The following CCDC158 variants were observed in gnomAD, a reference collection of about 807,000 sequenced individuals.
CCDC158 encodes the protein coiled-coil domain-containing protein 158.
CCDC158 carries 116 observed loss-of-function variants against 138.6 expected under a neutral mutation model. The ratio of observed to expected loss-of-function variants is 0.84; its 90% confidence interval spans 0.72 to 0.98. CCDC158 has a LOEUF of 0.98. CCDC158 is among the 50% of genes least tolerant of loss of function. The pLI, the probability that CCDC158 is intolerant of heterozygous loss-of-function variation, is 0.00. For synonymous variants in CCDC158, 436 were observed against 442.4 expected, an observed-to-expected ratio of 0.99 and a Z score of 0.18; for missense variants, 1,265 against 1,306.1, an observed-to-expected ratio of 0.97 and a Z score of 0.48.
intron 18 of CCDC158, among the ~76,000 whole-genome samples, chr4:76,339,127 C>G (rs1245565397): frequency 6.6e-6 from 1 of 151,832 alleles, no homozygotes; most frequent in Non-Finnish European, 1.5e-5. Flanking sequence ...GACAAAGGAC[C>G]ATGCATTAAA....
At position 76,362,282 on chromosome 4, in the gene CCDC158, C is replaced by T. The variant is rs753294483; in HGVS notation, c.1864G>A (p.Glu622Lys). ...LKDKKDAKIR[E>K]LEARVSDLEL... ...AAGTCACTCACTCTGGCCTCAAGCT[C>T]CCGGATCTTTGCATCTTTTTTATCT... The change falls in exon 13 of 25, where the codon GAG (glutamate) becomes AAG (lysine). Residue 622 changes from glutamate (E) to lysine (K), a missense_variant. Glu to Lys is a moderately conservative substitution (Grantham distance 56, BLOSUM62 1). Coordinates refer to ENST00000682701, the MANE Select transcript of CCDC158 (RefSeq NM_001394954.1). 6.2e-7 allele frequency: 1 copy of T among 1,613,120 alleles called. No homozygotes were observed. Among genetic ancestry groups the T allele is most frequent in the Admixed American group, 1.7e-5 (1 of 59,860 alleles).
At chr4:76,337,631 C>T (rs1461415499) in intron 18 of CCDC158, among the ~76,000 whole-genome samples, 10 of 151,860 alleles carry the variant, frequency 6.6e-5, no homozygotes, top group Admixed American at 6.6e-4. Flanking sequence ...ACTTAGGAGG[C>T]TGAAGCAGGA....
chr4:76,410,739 A>G (rs1222769276), intron 2 of CCDC158, among the ~76,000 whole-genome samples: 3 of 152,240 alleles, frequency 2.0e-5, no homozygotes, highest in African/African-American at 4.8e-5. Flanking sequence ...CAGAAACACA[A>G]TAAGGAGAAC....
Position 76,357,504 on chromosome 4 carries a change from C to A in CCDC158, c.2043G>T (p.Arg681Ser), listed in dbSNP as rs756139747. The change falls in exon 14 of 25, where the codon AGG becomes AGT. Residue 681 changes from arginine (R) to serine (S), a missense_variant. Coordinates refer to ENST00000682701, the MANE Select transcript of CCDC158 (RefSeq NM_001394954.1). ...TTTCTTCACTTTTGTTTCGGAAATTCCTTTTTAAGACTTCATACTCCTCTA... is the reference window on the plus strand; with the variant it reads ...TTTCTTCACTTTTGTTTCGGAAATTACTTTTTAAGACTTCATACTCCTCTA... Reference protein sequence around the residue: ...NLSEEYEVLKRNFRNKSEEME... With the variant: ...NLSEEYEVLKSNFRNKSEEME... 6.3e-7 allele frequency: 1 copy of A among 1,593,670 alleles called. No homozygotes were observed. The highest frequency in any genetic ancestry group is 1.7e-5 in the Admixed American group (1 of 57,920).
chr4:76,363,430 C>T (rs921563604), intron 12 of CCDC158, among the ~76,000 whole-genome samples: 2 of 152,160 alleles, frequency 1.3e-5, no homozygotes, highest in African/African-American at 4.8e-5. Context: ...TGTAATAAAT[C>T]CTAGCCTTGT....
intron 1 of CCDC158, among the ~76,000 whole-genome samples, chr4:76,418,008 A>G (rs575975962): frequency 1.1e-4 from 17 of 152,286 alleles, no homozygotes; most frequent in Non-Finnish European, 2.4e-4. Flanking sequence ...CACTATCCTG[A>G]GAAGATGTCA....
chr4:76,375,667 C>T, intron 9 of CCDC158: 1 of 700,068 alleles, frequency 1.4e-6, no homozygotes, highest in South Asian at 1.5e-5. Context: ...ACAGCTTCTA[C>T]TGGTCCAAAT....
chr4:76,340,885 T>C (rs1055894087), intron 18 of CCDC158, among the ~76,000 whole-genome samples: 4 of 152,212 alleles, frequency 2.6e-5, no homozygotes, highest in African/African-American at 9.6e-5. Flanking sequence ...AACTGGTCAC[T>C]GGTGCCAAAA....
intron 18 of CCDC158, among the ~76,000 whole-genome samples, chr4:76,341,603 C>T (rs901520736): frequency 7.2e-5 from 11 of 152,044 alleles, no homozygotes; most frequent in African/African-American, 2.7e-4. Flanking sequence ...ATTCTATCAT[C>T]CTAGATATAT....
At chr4:76,385,783 A>T (rs1382864683) in intron 4 of CCDC158, among the ~76,000 whole-genome samples, 3 of 152,226 alleles carry the variant, frequency 2.0e-5, no homozygotes, top group Non-Finnish European at 4.4e-5. Flanking sequence ...GTCCCTAGCA[A>T]GGTGAATGAA....
intron 1 of CCDC158, among the ~76,000 whole-genome samples, chr4:76,412,535 C>T (rs766765491): frequency 1.6e-4 from 25 of 152,054 alleles, no homozygotes; most frequent in Admixed American, 2.6e-4. Flanking sequence ...CTGAGGTGGG[C>T]GCATCACTTG....
intron 18 of CCDC158, among the ~76,000 whole-genome samples, chr4:76,350,351 G>A (rs940904672): frequency 6.6e-6 from 1 of 152,168 alleles, no homozygotes; most frequent in Non-Finnish European, 1.5e-5. Context: ...TGGTGATCCT[G>A]TTGCCATATG....
intron 18 of CCDC158, among the ~76,000 whole-genome samples, chr4:76,343,614 A>C (rs1274712965): frequency 6.6e-6 from 1 of 152,244 alleles, no homozygotes; most frequent in Admixed American, 6.5e-5. Flanking sequence ...CAGCCTGGCC[A>C]ACATGGCAAA....
chr4:76,324,551 T>C lies in CCDC158; in HGVS notation c.3170-1142A>G, dbSNP rs142295867. Among the ~76,000 whole-genome samples the C allele has an allele frequency of 3.0e-4, 45 of 151,422 alleles. No homozygotes were observed. In the East Asian group the frequency reaches 6.6e-3, roughly 22 times the overall value. ...TGAGTATCTGACAATAAGCGGGGGGTTGGGGGTGAGAAGAAAATGCCATGC... is the reference window on the plus strand; with the variant it reads ...TGAGTATCTGACAATAAGCGGGGGGCTGGGGGTGAGAAGAAAATGCCATGC... On this transcript the variant is annotated intron_variant, in intron 23 of 24. Transcript: ENST00000682701.
intron 10 of CCDC158, 127 bp from the exon 11 acceptor site, chr4:76,369,750 C>G: frequency 1.3e-6 from 1 of 767,260 alleles, no homozygotes; most frequent in East Asian, 2.7e-5. Flanking sequence ...AATCTGATTC[C>G]TTTTTAATGG....
In CCDC158 at chr4:76,331,341, T is replaced by C. The variant is rs1199191874; in HGVS notation, c.2942+3A>G. 9 of 1,613,402 alleles carry C rather than the reference T, an allele frequency of 5.6e-6. No homozygotes were observed. The highest frequency in any genetic ancestry group is 1.1e-5 in the South Asian group (1 of 91,072). ...TTTGAAAATGGGGGCTGGTATTTCC[T>C]ACCTACTAAGAGTTTCACTTGATTT... On this transcript the variant is annotated splice_donor_region_variant and intron_variant, in intron 21 of 24. Coordinates refer to ENST00000682701, the MANE Select transcript of CCDC158 (RefSeq NM_001394954.1).
intron 3 of CCDC158, among the ~76,000 whole-genome samples, chr4:76,399,689 G>C (rs977849376): frequency 6.6e-6 from 1 of 152,184 alleles, no homozygotes; most frequent in Non-Finnish European, 1.5e-5. Context: ...GGAAGGGATA[G>C]TTTGGGGAAA....
At chr4:76,416,378 CTT>C (rs1342807142) in intron 1 of CCDC158, among the ~76,000 whole-genome samples, 1 of 152,126 alleles carries the variant, frequency 6.6e-6, no homozygotes, top group Non-Finnish European at 1.5e-5. Context: ...TGTCTTGTCT[CTT>C]TATTTCTACA....
At chr4:76,406,555 TC>T (rs146266944) in intron 2 of CCDC158, among the ~76,000 whole-genome samples, 2,304 of 152,212 alleles carry the variant, frequency 0.015, 55 homozygotes, top group African/African-American at 0.052. Context: ...TTCACAAAAA[TC>T]AGTCATATTC....
Sources: gnomAD v4.1 joint callset for allele counts (sites outside exome capture counted in the v4.1 genomes callset) on GRCh38, gnomAD v4.1.1 for gene constraint, MANE v1.5 for transcripts, NCBI Gene and HGNC (gene_info 2026-07-23, HGNC 2026-07-21) for gene names.